ANKRD10: variants seen among roughly 807,000 people sequenced by gnomAD.
ANKRD10 encodes the protein ankyrin repeat domain-containing protein 10.
ANKRD10 carries 14 observed loss-of-function variants against 27.0 expected under a neutral mutation model. The observed-to-expected ratio is 0.52, with a 90% CI of 0.34 to 0.81. The LOEUF is 0.81. ANKRD10 is among the 40% of genes least tolerant of loss of function. ANKRD10 has a pLI of 0.01. For synonymous variants in ANKRD10, 250 were observed against 224.5 expected (o/e 1.11, Z -1.01); for missense variants, 493 against 544.0 (o/e 0.91, Z 0.93).
chr13:110,880,482 G>T (rs1277040391), intron 5 of ANKRD10, among the ~76,000 whole-genome samples: 1 of 152,160 alleles, frequency 6.6e-6, no homozygotes, highest in African/African-American at 2.4e-5. Context: ...CCCCTGAAAA[G>T]GTCCATCAGA....
intron 1 of ANKRD10, among the ~76,000 whole-genome samples, chr13:110,912,429 A>G (rs1244574303): frequency 1.3e-5 from 2 of 152,194 alleles, no homozygotes; most frequent in Non-Finnish European, 2.9e-5. Context: ...GCCTTTATTA[A>G]TTCACTGGGT....
At chr13:110,905,933 A>G in intron 3 of ANKRD10, 100 bp downstream of exon 3, 1 of 1,146,260 alleles carries the variant, frequency 8.7e-7, no homozygotes, top group Non-Finnish European at 1.2e-6. Context: ...ACTAATTTTG[A>G]AAACAAAGTT....
intron 4 of ANKRD10, among the ~76,000 whole-genome samples, chr13:110,889,598 G>C (rs972341390): frequency 6.6e-6 from 1 of 152,142 alleles, no homozygotes; most frequent in Non-Finnish European, 1.5e-5. Context: ...GCTTCCAAAA[G>C]AAAATTCCTC....
intron 4 of ANKRD10, among the ~76,000 whole-genome samples, chr13:110,889,695 A>G (rs1302396487): frequency 6.6e-6 from 1 of 152,202 alleles, no homozygotes. Context: ...TCAGGATTCC[A>G]AAGTGTTTTG....
intron 4 of ANKRD10, among the ~76,000 whole-genome samples, chr13:110,884,676 T>A (rs1289039327): frequency 6.6e-6 from 1 of 152,244 alleles, no homozygotes; most frequent in Non-Finnish European, 1.5e-5. Flanking sequence ...TGCAGCTGTC[T>A]GGGCTGCTTC....
intron 3 of ANKRD10, among the ~76,000 whole-genome samples, chr13:110,898,756 T>C (rs546942140): frequency 0.18 from 24,838 of 136,280 alleles, 2,208 homozygotes; most frequent in Middle Eastern, 0.3. Flanking sequence ...TTTTCTTTTT[T>C]TTTTTTTTTT....
intron 3 of ANKRD10, chr13:110,904,958 T>C (rs554045207): frequency 1.3e-5 from 2 of 152,360 alleles, no homozygotes; most frequent in African/African-American, 4.8e-5. Flanking sequence ...TGTATGGTTT[T>C]GCTGTCTAGG....
At chr13:110,906,552 T>C (rs763774782) in intron 2 of ANKRD10, among the ~76,000 whole-genome samples, 1 of 152,116 alleles carries the variant, frequency 6.6e-6, no homozygotes, top group Non-Finnish European at 1.5e-5. Flanking sequence ...CTACCCACTT[T>C]CCTCTGTGCC....
intron 4 of ANKRD10, among the ~76,000 whole-genome samples, chr13:110,885,615 T>G (rs1223546183): frequency 6.6e-6 from 1 of 151,326 alleles, no homozygotes; most frequent in East Asian, 1.9e-4. Flanking sequence ...GAAGAGCAGA[T>G]CCCCCAAGTG....
At chr13:110,885,259 GAA>G (rs1027154781) in intron 4 of ANKRD10, among the ~76,000 whole-genome samples, 2 of 148,772 alleles carry the variant, frequency 1.3e-5, no homozygotes, top group African/African-American at 5.0e-5. Context: ...AAAAGAGAGA[GAA>G]AAAAAAAAGG....
At chr13:110,908,584 G>A (rs2065603430) in intron 2 of ANKRD10, among the ~76,000 whole-genome samples, 1 of 152,264 alleles carries the variant, frequency 6.6e-6, no homozygotes, top group South Asian at 2.1e-4. Context: ...ACACAACAAA[G>A]GAGAAAAACC....
intron 4 of ANKRD10, among the ~76,000 whole-genome samples, chr13:110,892,436 A>AAAAAAAT (rs1555321016): frequency 3.5e-5 from 5 of 144,566 alleles, no homozygotes; most frequent in Non-Finnish European, 6.1e-5. Context: ...AAAAAAAAAA[A>AAAAAAAT]TGGTGGGAGA....
At chr13:110,890,423 T>C (rs2065043935) in intron 4 of ANKRD10, among the ~76,000 whole-genome samples, 1 of 152,170 alleles carries the variant, frequency 6.6e-6, no homozygotes, top group Admixed American at 6.5e-5. Context: ...GAGCTAAAGA[T>C]GCCCATCTAT....
At chr13:110,881,294 C>G (rs2138817642) in intron 5 of ANKRD10, among the ~76,000 whole-genome samples, 1 of 152,282 alleles carries the variant, frequency 6.6e-6, no homozygotes, top group South Asian at 2.1e-4. Flanking sequence ...ATCCGATTAC[C>G]CTAACATGTC....
At chr13:110,888,181 T>TG (rs1307554204) in intron 4 of ANKRD10, among the ~76,000 whole-genome samples, 4 of 149,822 alleles carry the variant, frequency 2.7e-5, no homozygotes, top group Non-Finnish European at 4.4e-5. Flanking sequence ...CGGGGGGGAC[T>TG]GGGGGTTTGG....
intron 3 of ANKRD10, among the ~76,000 whole-genome samples, chr13:110,904,558 T>C (rs1399531120): frequency 1.3e-5 from 2 of 152,212 alleles, no homozygotes; most frequent in Non-Finnish European, 2.9e-5. Flanking sequence ...TTTGAATAAA[T>C]GACAAGCAAT....
At chr13:110,900,019 C>T (rs1282903969) in intron 3 of ANKRD10, among the ~76,000 whole-genome samples, 1 of 152,132 alleles carries the variant, frequency 6.6e-6, no homozygotes, top group Non-Finnish European at 1.5e-5. Flanking sequence ...TGAGACCAGC[C>T]TAGGCAACAC....
At chr13:110,892,195 G>T (rs2138837643) in intron 4 of ANKRD10, among the ~76,000 whole-genome samples, 1 of 149,920 alleles carries the variant, frequency 6.7e-6, no homozygotes, top group South Asian at 2.1e-4. Flanking sequence ...ACTTTGGGAG[G>T]CCGAGGCAGG....
intron 3 of ANKRD10, among the ~76,000 whole-genome samples, chr13:110,903,815 G>A (rs559046444): frequency 4.6e-5 from 7 of 151,968 alleles, no homozygotes; most frequent in Middle Eastern, 3.4e-3. Context: ...TAATAATCTC[G>A]TCCATTCTGA....
Sources: allele counts gnomAD v4.1 joint callset (sites outside exome capture counted in the v4.1 genomes callset), GRCh38; gene constraint gnomAD v4.1.1; transcripts MANE v1.5; gene names NCBI Gene and HGNC (gene_info 2026-07-23, HGNC 2026-07-21).